Variants in PLEKHA7 observed in about 807,000 individuals in gnomAD.
PLEKHA7 encodes the protein pleckstrin homology domain-containing family A member 7.
A neutral mutation model predicts 170.0 loss-of-function variants in PLEKHA7; 104 were observed. The ratio of observed to expected loss-of-function variants is 0.61; its 90% CI spans 0.52 to 0.72. The LOEUF (loss-of-function observed/expected upper bound fraction) is 0.72. Among genes scored for constraint, PLEKHA7 ranks in the 30% least tolerant of loss-of-function variants. PLEKHA7 has a pLI of 0.00. For missense variants in PLEKHA7, 1,615 were observed against 1,671.7 expected (o/e 0.97, Z 0.59); for synonymous variants, 648 against 660.8 (o/e 0.98, Z 0.30).
intron 3 of PLEKHA7, among the ~76,000 whole-genome samples, chr11:16,945,225 C>G (rs1423296565): frequency 6.6e-6 from 1 of 152,192 alleles, no homozygotes; most frequent in Non-Finnish European, 1.5e-5. Flanking sequence ...TGTGAGCCAC[C>G]ATGCCCGGCC....
chr11:16,810,283 T>A (rs1350542605), intron 13 of PLEKHA7, among the ~76,000 whole-genome samples: 4 of 152,216 alleles, frequency 2.6e-5, no homozygotes, highest in Non-Finnish European at 5.9e-5. Context: ...CCTTCCTTCA[T>A]CTGGATCTTG....
chr11:16,940,007 A>G (rs1860570951), intron 3 of PLEKHA7, among the ~76,000 whole-genome samples: 1 of 152,172 alleles, frequency 6.6e-6, no homozygotes, highest in African/African-American at 2.4e-5. Context: ...GAATGGTACC[A>G]CATTTGCCAA....
intron 3 of PLEKHA7, among the ~76,000 whole-genome samples, chr11:16,907,220 T>G (rs909744199): frequency 3.5e-4 from 24 of 69,406 alleles, no homozygotes; most frequent in African/African-American, 1.3e-3. Context: ...GGGGGGGTCA[T>G]CCCCCCACCT....
At chr11:16,860,040 G>A (rs1853812829) in intron 4 of PLEKHA7, among the ~76,000 whole-genome samples, 1 of 152,204 alleles carries the variant, frequency 6.6e-6, no homozygotes, top group African/African-American at 2.4e-5. Flanking sequence ...GGAGGGATGT[G>A]GGCTGAAGAT....
intron 3 of PLEKHA7, among the ~76,000 whole-genome samples, chr11:16,966,966 T>C (rs1004706554): frequency 6.6e-6 from 1 of 152,108 alleles, no homozygotes; most frequent in Non-Finnish European, 1.5e-5. Flanking sequence ...CATCTACAAA[T>C]GGGCTACACA....
chr11:16,985,732 C>T (rs2136901284), intron 3 of PLEKHA7, among the ~76,000 whole-genome samples: 1 of 152,330 alleles, frequency 6.6e-6, no homozygotes, highest in South Asian at 2.1e-4. Flanking sequence ...AGATAATTCA[C>T]AGGCTAATGA....
At chr11:17,004,995 T>C (rs2137073219) in intron 3 of PLEKHA7, among the ~76,000 whole-genome samples, 1 of 152,304 alleles carries the variant, frequency 6.6e-6, no homozygotes, top group Admixed American at 6.5e-5. Context: ...GATTCAAACC[T>C]GTGCTGTCCT....
chr11:16,790,561 T>A, intron 21 of PLEKHA7: 1 of 535,766 alleles, frequency 1.9e-6, no homozygotes, highest in Non-Finnish European at 3.3e-6. Flanking sequence ...CCAGGCTTTC[T>A]AGTAACTGCT....
chr11:16,852,380 G>A, intron 6 of PLEKHA7, 25 bp from the exon 7 acceptor site: 1 of 1,607,976 alleles, frequency 6.2e-7, no homozygotes. Flanking sequence ...AAACTAGTCA[G>A]GGTAATATCT....
chr11:16,813,841 A>G (rs966465466), intron 12 of PLEKHA7, among the ~76,000 whole-genome samples: 1 of 152,208 alleles, frequency 6.6e-6, no homozygotes, highest in Non-Finnish European at 1.5e-5. Flanking sequence ...GTTCTTCAGT[A>G]TAATTACCAG....
At chr11:16,844,312 C>G (rs1005327168) in intron 8 of PLEKHA7, among the ~76,000 whole-genome samples, 1 of 152,208 alleles carries the variant, frequency 6.6e-6, no homozygotes, top group Non-Finnish European at 1.5e-5. Flanking sequence ...CACATGATTG[C>G]AAATATAACC....
intron 17 of PLEKHA7, among the ~76,000 whole-genome samples, chr11:16,798,283 G>A (rs922902619): frequency 4.6e-5 from 7 of 152,336 alleles, no homozygotes; most frequent in African/African-American, 1.7e-4. Flanking sequence ...TCAAAGCAGG[G>A]CTTTGTTAGC....
chr11:16,930,785 G>T (rs1405272098), intron 3 of PLEKHA7, among the ~76,000 whole-genome samples: 2 of 152,186 alleles, frequency 1.3e-5, no homozygotes, highest in Non-Finnish European at 2.9e-5. Context: ...TTCCAGAATT[G>T]CTTCTGGGAG....
chr11:16,952,277 A>C (rs1218004385), intron 3 of PLEKHA7, among the ~76,000 whole-genome samples: 2 of 152,182 alleles, frequency 1.3e-5, no homozygotes, highest in Non-Finnish European at 2.9e-5. Flanking sequence ...GTGTGTGTTA[A>C]GGAAGTGAGA....
At chr11:16,918,554 C>T (rs1018593793) in intron 3 of PLEKHA7, among the ~76,000 whole-genome samples, 5 of 152,218 alleles carry the variant, frequency 3.3e-5, no homozygotes, top group African/African-American at 1.2e-4. Flanking sequence ...CCCGTTGATA[C>T]TGACCAGCTG....
At chr11:16,936,275 G>A (rs1175378579) in intron 3 of PLEKHA7, among the ~76,000 whole-genome samples, 1 of 151,846 alleles carries the variant, frequency 6.6e-6, no homozygotes, top group South Asian at 2.1e-4. Flanking sequence ...GGTGGCAGGT[G>A]CCTGTAATCC....
chr11:16,982,584 T>C (rs899438900), intron 3 of PLEKHA7, among the ~76,000 whole-genome samples: 2 of 152,160 alleles, frequency 1.3e-5, no homozygotes, highest in Non-Finnish European at 2.9e-5. Context: ...CAGAAAGCCA[T>C]TCATCAGCTC....
chr11:16,807,258 G>A lies in PLEKHA7; in HGVS notation c.2008-3963C>T, dbSNP rs1231365949. ...AACAAAAAGGCAGATACAACAAAAC[G>A]TAACAGGTGAGACATCAAATGACAC... On this transcript the variant is annotated intron_variant, in intron 13 of 26. Transcript: ENST00000531066. 12 of 916,312 alleles carry A rather than the reference G, an allele frequency of 1.3e-5. No individual in the cohort carries two copies. The Admixed American group carries it at 3.1e-4, about 24-fold the overall frequency. 56.8% of individuals were successfully genotyped at this position (916,312 alleles called of 1,614,324 possible).
At chr11:16,816,034 T>A in intron 12 of PLEKHA7, 144 bp downstream of exon 12, 1 of 676,970 alleles carries the variant, frequency 1.5e-6, no homozygotes, top group Non-Finnish European at 2.6e-6. Context: ...CCTAAGCAAG[T>A]CATTCAACTT....
Sources: allele counts gnomAD v4.1 joint callset (sites outside exome capture counted in the v4.1 genomes callset), GRCh38; gene constraint gnomAD v4.1.1; transcripts MANE v1.5; gene names NCBI Gene and HGNC (gene_info 2026-07-23, HGNC 2026-07-21).